CDKAL1: variants seen among roughly 807,000 people sequenced by gnomAD.
The protein encoded by CDKAL1 is threonylcarbamoyladenosine tRNA methylthiotransferase.
CDKAL1 carries 32 observed loss-of-function variants against 68.2 expected under a neutral mutation model. The ratio of observed to expected loss-of-function variants is 0.47; its 90% CI spans 0.35 to 0.63. The LOEUF is 0.63. Ranked by LOEUF, CDKAL1 falls within the 30% of genes least tolerant of loss-of-function variation. CDKAL1 has a pLI of 0.00. For missense variants in CDKAL1, 606 were observed against 696.7 expected (o/e 0.87, Z 1.47); for synonymous variants, 234 against 244.3 (o/e 0.96, Z 0.39).
chr6:21,195,497 A>ATTTAT (rs1246823744), intron 13 of CDKAL1, among the ~76,000 whole-genome samples: 3 of 111,724 alleles, frequency 2.7e-5, no homozygotes, highest in African/African-American at 8.3e-5. Context: ...TTATTTATTT[A>ATTTAT]TTTATTTATT....
At chr6:20,800,401 C>T (rs1776317817) in intron 8 of CDKAL1, among the ~76,000 whole-genome samples, 1 of 152,082 alleles carries the variant, frequency 6.6e-6, no homozygotes, top group African/African-American at 2.4e-5. Context: ...ATCTCTAGTT[C>T]CAGAAAGCAA....
At chr6:20,853,534 A>T (rs1381110003) in intron 9 of CDKAL1, among the ~76,000 whole-genome samples, 1 of 152,192 alleles carries the variant, frequency 6.6e-6, no homozygotes, top group Non-Finnish European at 1.5e-5. Flanking sequence ...TAATATGTTA[A>T]TACATATTGT....
At chr6:20,781,868 G>T (rs1775446448) in intron 8 of CDKAL1, among the ~76,000 whole-genome samples, 1 of 152,074 alleles carries the variant, frequency 6.6e-6, no homozygotes, top group Non-Finnish European at 1.5e-5. Context: ...ATCAGAAAAA[G>T]AAACATTTTC....
chr6:20,578,766 TGAA>T (rs1485430108), intron 4 of CDKAL1, among the ~76,000 whole-genome samples: 5 of 152,350 alleles, frequency 3.3e-5, no homozygotes, highest in East Asian at 1.9e-4. Context: ...TGACATCTGA[TGAA>T]GAAGTTGACT....
intron 11 of CDKAL1, among the ~76,000 whole-genome samples, chr6:21,020,703 G>A (rs1210910302): frequency 6.6e-6 from 1 of 151,784 alleles, no homozygotes; most frequent in African/African-American, 2.4e-5. Flanking sequence ...CCTACCTCAG[G>A]TGATCTGCCT....
chr6:20,848,792 T>C (rs1758838863), intron 9 of CDKAL1, among the ~76,000 whole-genome samples: 1 of 150,896 alleles, frequency 6.6e-6, no homozygotes, highest in Non-Finnish European at 1.5e-5. Flanking sequence ...TTTCTTTCTT[T>C]CTTTTTTTTT....
At chr6:20,867,719 C>T (rs1759983164) in intron 9 of CDKAL1, among the ~76,000 whole-genome samples, 1 of 152,150 alleles carries the variant, frequency 6.6e-6, no homozygotes, top group South Asian at 2.1e-4. Flanking sequence ...ATGGTCTGGT[C>T]CTAACCTGTT....
intron 12 of CDKAL1, among the ~76,000 whole-genome samples, chr6:21,089,145 G>C (rs1388383504): frequency 4.6e-5 from 7 of 152,068 alleles, no homozygotes; most frequent in Admixed American, 4.6e-4. Flanking sequence ...GTCAGTTGAT[G>C]GTGAGATGAA....
intron 8 of CDKAL1, among the ~76,000 whole-genome samples, chr6:20,813,604 G>C (rs1776913401): frequency 6.6e-6 from 1 of 152,046 alleles, no homozygotes; most frequent in Non-Finnish European, 1.5e-5. Context: ...TCTGTTATTT[G>C]GTTTCAGTTA....
chr6:20,758,646 A>G lies in CDKAL1; in HGVS notation c.517+3A>G. The G allele has an allele frequency of 6.2e-7, 1 of 1,607,410 alleles. No homozygotes were observed. The highest frequency in any genetic ancestry group is 8.5e-7 in the Non-Finnish European group (1 of 1,176,028). On this transcript the variant is annotated splice_donor_region_variant and intron_variant, in intron 7 of 15. Coordinates refer to ENST00000274695, the MANE Select transcript of CDKAL1 (RefSeq NM_017774.3). The stretch of plus-strand genomic sequence containing the variant: ...AGTTGTGGAGGAGACAATTAAAGGT[A>G]ATCGTTGAAAGTGAGATAAACAGAT...
intron 15 of CDKAL1, among the ~76,000 whole-genome samples, chr6:21,228,251 G>T (rs770890616): frequency 2.6e-5 from 4 of 152,080 alleles, no homozygotes; most frequent in Non-Finnish European, 4.4e-5. Flanking sequence ...ACAAAATCTG[G>T]GTCCACTCCT....
intron 10 of CDKAL1, among the ~76,000 whole-genome samples, chr6:20,975,463 C>T (rs559892174): frequency 2.1e-4 from 32 of 152,148 alleles, no homozygotes; most frequent in Non-Finnish European, 3.7e-4. Flanking sequence ...TAGGTAACTA[C>T]ATACATAGTA....
At chr6:20,935,111 G>A (rs1367245857) in intron 9 of CDKAL1, among the ~76,000 whole-genome samples, 1 of 152,110 alleles carries the variant, frequency 6.6e-6, no homozygotes, top group African/African-American at 2.4e-5. Flanking sequence ...GGCCAGGCTA[G>A]TCTTGAACTC....
At chr6:21,124,499 C>T (rs1294926101) in intron 13 of CDKAL1, among the ~76,000 whole-genome samples, 2 of 151,882 alleles carry the variant, frequency 1.3e-5, no homozygotes, top group African/African-American at 2.4e-5. Context: ...TTTATTACCT[C>T]GATGAATATT....
chr6:21,205,233 G>A (rs1417710657), intron 15 of CDKAL1, among the ~76,000 whole-genome samples: 1 of 152,146 alleles, frequency 6.6e-6, no homozygotes, highest in African/African-American at 2.4e-5. Flanking sequence ...CTACCATTTG[G>A]CTGTTATGAA....
In CDKAL1 at chr6:20,561,094, G is replaced by T. The variant is rs116362865; in HGVS notation, c.286+12389G>T. Among the ~76,000 whole-genome samples, 1,231 of 152,128 alleles carry T rather than the reference G, an allele frequency of 8.1e-3. 22 individuals carry two copies. Among genetic ancestry groups the T allele is most frequent in the African/African-American group, 0.028 (1,150 of 41,490 alleles). On this transcript the variant is annotated intron_variant, in intron 4 of 15. Coordinates refer to ENST00000274695, the MANE Select transcript of CDKAL1 (RefSeq NM_017774.3). ...TTTTTATGATGTGTGAGTTCTTTCT[G>T]TCTTTCTCATCTTTACCTTTGACAT...
chr6:20,930,178 T>G (rs1466565511), intron 9 of CDKAL1, among the ~76,000 whole-genome samples: 2 of 152,150 alleles, frequency 1.3e-5, no homozygotes, highest in Admixed American at 1.3e-4. Context: ...GAAAGCTATT[T>G]AAGAGAAGTC....
At chr6:21,064,230 C>T (rs546153757) in intron 11 of CDKAL1, among the ~76,000 whole-genome samples, 1 of 152,222 alleles carries the variant, frequency 6.6e-6, no homozygotes, top group East Asian at 1.9e-4. Context: ...TCTGATGAAG[C>T]TTCTGAAAGA....
At chr6:20,624,000 T>A (rs1442252994) in intron 4 of CDKAL1, among the ~76,000 whole-genome samples, 2 of 152,108 alleles carry the variant, frequency 1.3e-5, no homozygotes, top group Non-Finnish European at 2.9e-5. Context: ...ATGGTTATAT[T>A]TTTTTAAAGG....
Sources: allele counts gnomAD v4.1 joint callset (sites outside exome capture counted in the v4.1 genomes callset), GRCh38; gene constraint gnomAD v4.1.1; transcripts MANE v1.5; gene names NCBI Gene and HGNC (gene_info 2026-07-23, HGNC 2026-07-21).